Variants in SVOPL observed in about 807,000 individuals in gnomAD.
The protein encoded by SVOPL is SVOP like, also known as putative transporter SVOPL.
Under a neutral mutation model 61.0 loss-of-function variants are expected in SVOPL, and 60 were observed. The observed-to-expected ratio is 0.98, with a 90% CI of 0.80 to 1.22. The LOEUF (loss-of-function observed/expected upper bound fraction) is 1.22, where lower values mean the gene tolerates loss of function less well. Among genes scored for constraint, SVOPL ranks in the 50% most tolerant of loss-of-function variants. The pLI is 0.00. For synonymous variants in SVOPL, 279 were observed against 250.0 expected (o/e 1.12, Z -1.09); for missense variants, 662 against 643.9 (o/e 1.03, Z -0.30).
chr7:138,611,776 GTATGACAAT>G, intron 14 of SVOPL, among the ~76,000 whole-genome samples: 1 of 20,680 alleles, frequency 4.8e-5, no homozygotes, highest in Non-Finnish European at 1.3e-4. Flanking sequence ...TACCATTATG[GTATGACAAT>G]AGTTAATAAT....
chr7:138,638,555 A>G lies in SVOPL; in HGVS notation c.789+6162T>C, dbSNP rs199594678. Among the ~76,000 whole-genome samples the G allele has an allele frequency of 4.6e-5, 7 of 152,208 alleles. No individual in the cohort carries two copies. In the East Asian group the frequency reaches 1.2e-3, roughly 25 times the overall value. ...GATTGCAGTGAACTATGATTGCACC[A>G]CTGCACTCCCGCTGGGTGACAGGGT... On this transcript the variant is annotated intron_variant, in intron 9 of 15. Transcript: ENST00000674285.
At chr7:138,609,709 G>GT (rs146190653) in intron 14 of SVOPL, among the ~76,000 whole-genome samples, 137 of 62,370 alleles carry the variant, frequency 2.2e-3, no homozygotes, top group East Asian at 0.014. Flanking sequence ...GCTCATTACT[G>GT]TTTTTTTTTT....
intron 7 of SVOPL, among the ~76,000 whole-genome samples, chr7:138,655,524 A>G (rs189690931): frequency 2.9e-4 from 44 of 151,972 alleles, no homozygotes; most frequent in African/African-American, 9.9e-4. Flanking sequence ...AAATAAAAAT[A>G]TCAGAGCCTC....
chr7:138,675,319 A>T (rs1375520435), intron 3 of SVOPL, among the ~76,000 whole-genome samples: 2 of 152,080 alleles, frequency 1.3e-5, no homozygotes, highest in African/African-American at 4.8e-5. Context: ...TCAAACTCAC[A>T]TGGCTACCTC....
At chr7:138,654,503 T>TG (rs898457807) in intron 7 of SVOPL, among the ~76,000 whole-genome samples, 22 of 146,034 alleles carry the variant, frequency 1.5e-4, no homozygotes, top group African/African-American at 5.1e-4. Context: ...TGAGTTTGTT[T>TG]TTTTTTTTTT....
chr7:138,633,546 C>T (rs1180008739), intron 9 of SVOPL, among the ~76,000 whole-genome samples: 5 of 151,388 alleles, frequency 3.3e-5, no homozygotes, highest in African/African-American at 4.8e-5. Context: ...ATGCTGGTGC[C>T]GTGATTGTAC....
chr7:138,607,438 G>A (rs1051497537), intron 14 of SVOPL, among the ~76,000 whole-genome samples: 7 of 152,182 alleles, frequency 4.6e-5, no homozygotes, highest in African/African-American at 1.4e-4. Flanking sequence ...CACAGAGGTC[G>A]GAGGAAACCC....
intron 14 of SVOPL, among the ~76,000 whole-genome samples, chr7:138,602,136 G>A (rs1798549818): frequency 6.6e-6 from 1 of 151,996 alleles, no homozygotes; most frequent in Admixed American, 6.6e-5. Flanking sequence ...TGAGCCCAAA[G>A]TTTGAGGCTA....
chr7:138,661,808 T>C, intron 5 of SVOPL: 1 of 966,644 alleles, frequency 1.0e-6, no homozygotes, highest in Non-Finnish European at 1.2e-6. Flanking sequence ...CTGGACTGTA[T>C]GACTTCCGAG....
intron 9 of SVOPL, among the ~76,000 whole-genome samples, chr7:138,632,075 G>C (rs773717770): frequency 4.9e-4 from 75 of 152,016 alleles, no homozygotes; most frequent in Non-Finnish European, 8.7e-4. Context: ...TAACCAGATT[G>C]TAAGACTGTG....
intron 9 of SVOPL, among the ~76,000 whole-genome samples, chr7:138,632,658 G>A (rs1454721731): frequency 1.3e-5 from 2 of 151,558 alleles, no homozygotes; most frequent in South Asian, 2.1e-4. Context: ...GGCCAGACAG[G>A]GGAGCCAGGG....
intron 9 of SVOPL, 66 bp from the exon 10 acceptor site, chr7:138,630,188 G>T: frequency 7.5e-7 from 1 of 1,335,694 alleles, no homozygotes; most frequent in Non-Finnish European, 1.1e-6. Context: ...TGTTTCCACT[G>T]TTTTCGATCA....
chr7:138,622,133 T>TCGACAGAGTCTCACTCTTTCGCC (rs1229249471), intron 13 of SVOPL, among the ~76,000 whole-genome samples: 1 of 139,154 alleles, frequency 7.2e-6, no homozygotes, highest in Non-Finnish European at 1.6e-5. Context: ...TATCTATCTA[T>TCGACAGAGTCTCACTCTTTCGCC]CTATGTATCT....
intron 1 of SVOPL, chr7:138,689,256 C>A: frequency 6.4e-7 from 1 of 1,567,326 alleles, no homozygotes. Context: ...ATTTTTGCTG[C>A]ACATGGTTAA....
At chr7:138,599,930 A>C (rs1441708385) in intron 14 of SVOPL, among the ~76,000 whole-genome samples, 1 of 151,952 alleles carries the variant, frequency 6.6e-6, no homozygotes, top group Non-Finnish European at 1.5e-5. Context: ...TTAAAGTTAC[A>C]TGTAACACTG....
At position 138,689,455 on chromosome 7, in the gene SVOPL, A is replaced by T. The variant is rs1403819359; in HGVS notation, c.-34-10376T>A. On this transcript the variant is annotated intron_variant, in intron 1 of 15. Transcript: ENST00000674285. ...ACTGAAAAGGAACAGATTGTTCCTA[A>T]ACCAGAAGACAAGGTTGCCCTGAAG... The T allele has an allele frequency of 7.3e-5, 78 of 1,071,746 alleles. No homozygotes were observed. In the Admixed American group the frequency reaches 1.3e-3, roughly 18 times the overall value. The allele number at this position is 1,071,746 out of a possible 1,614,324, so 66.4% of individuals were successfully genotyped here. A position where few individuals can be genotyped will look rare whatever the true frequency, so the allele number is the denominator to read the frequency against.
At chr7:138,656,560 C>T in intron 6 of SVOPL, 49 bp from the exon 7 acceptor site, 1 of 1,582,130 alleles carries the variant, frequency 6.3e-7, no homozygotes, top group East Asian at 2.2e-5. Context: ...AAAACTAAAT[C>T]ATCTTTTAAA....
intron 7 of SVOPL, among the ~76,000 whole-genome samples, chr7:138,651,196 G>A (rs1290689982): frequency 1.3e-5 from 2 of 152,140 alleles, no homozygotes; most frequent in African/African-American, 4.8e-5. Context: ...GCTCGGTGTG[G>A]AAGAAAGTTT....
intron 4 of SVOPL, among the ~76,000 whole-genome samples, chr7:138,668,678 C>T (rs1802336831): frequency 1.3e-5 from 2 of 152,180 alleles, no homozygotes; most frequent in Admixed American, 1.3e-4. Context: ...TTCCCTGGTG[C>T]CACCCCCAAA....
Sources: allele counts gnomAD v4.1 joint callset (sites outside exome capture counted in the v4.1 genomes callset), GRCh38; gene constraint gnomAD v4.1.1; transcripts MANE v1.5; gene names NCBI Gene and HGNC (gene_info 2026-07-23, HGNC 2026-07-21).